Variants in LRRC4C observed in about 807,000 individuals in gnomAD.
The protein encoded by LRRC4C is leucine-rich repeat-containing protein 4C.
LRRC4C carries 5 observed loss-of-function variants against 33.6 expected under a neutral mutation model. The observed-to-expected ratio is 0.15, with a 90% confidence interval of 0.08 to 0.31. The LOEUF (loss-of-function observed/expected upper bound fraction) is 0.31. Among genes scored for constraint, LRRC4C ranks in the 10% least tolerant of loss-of-function variants. LRRC4C has a pLI of 1.00. For missense variants in LRRC4C, 560 were observed against 796.7 expected, an observed-to-expected ratio of 0.70 and a Z score of 3.58; for synonymous variants, 329 against 302.0, an observed-to-expected ratio of 1.09 and a Z score of -0.93.
chr11:40,593,434 C>T (rs1367116809), intron 3 of LRRC4C, among the ~76,000 whole-genome samples: 1 of 152,114 alleles, frequency 6.6e-6, no homozygotes, highest in African/African-American at 2.4e-5. Context: ...ATTATATATG[C>T]ATATACACAG....
chr11:40,179,719 G>A (rs766057185), intron 5 of LRRC4C, among the ~76,000 whole-genome samples: 37 of 152,094 alleles, frequency 2.4e-4, no homozygotes, highest in Admixed American at 9.8e-4. Context: ...CACCAGCAGC[G>A]GAGAAAAGAC....
At chr11:41,444,804 T>C (rs909484082) in intron 1 of LRRC4C, among the ~76,000 whole-genome samples, 1 of 95,366 alleles carries the variant, frequency 1.0e-5, no homozygotes, top group African/African-American at 5.0e-5. Flanking sequence ...AAGTCTAACT[T>C]AATTTTTTTT....
chr11:40,841,500 G>C (rs1437451737), intron 2 of LRRC4C, among the ~76,000 whole-genome samples: 1 of 152,186 alleles, frequency 6.6e-6, no homozygotes, highest in African/African-American at 2.4e-5. Flanking sequence ...TAAGAAAAGA[G>C]AGCAGAGTTC....
intron 1 of LRRC4C, among the ~76,000 whole-genome samples, chr11:41,220,128 T>A (rs1260924173): frequency 1.3e-5 from 2 of 152,000 alleles, no homozygotes; most frequent in Non-Finnish European, 2.9e-5. Context: ...GAAGGTGAGG[T>A]TTTTTATGCA....
At chr11:40,179,177 A>T (rs137991322) in intron 5 of LRRC4C, among the ~76,000 whole-genome samples, 2,839 of 151,598 alleles carry the variant, frequency 0.019, 101 homozygotes, top group Admixed American at 0.099. Flanking sequence ...GATTTTTTTT[A>T]AAACTATTCT....
chr11:40,606,878 T>C (rs1960667228), intron 3 of LRRC4C, among the ~76,000 whole-genome samples: 1 of 151,930 alleles, frequency 6.6e-6, no homozygotes, highest in African/African-American at 2.4e-5. Context: ...CAACTAACAT[T>C]GAACCAAATA....
At chr11:41,272,539 T>C (rs1949354145) in intron 1 of LRRC4C, among the ~76,000 whole-genome samples, 1 of 152,140 alleles carries the variant, frequency 6.6e-6, no homozygotes, top group South Asian at 2.1e-4. Flanking sequence ...AATGAAGTAT[T>C]TCAATTACAA....
At chr11:41,398,721 A>G (rs989716) in intron 1 of LRRC4C, among the ~76,000 whole-genome samples, 126,728 of 151,804 alleles carry the variant, frequency 0.83, 53,000 homozygotes, top group East Asian at 0.87. Flanking sequence ...AATAATATTG[A>G]CAAAGATGAT....
At chr11:41,196,703 G>A (rs985630694) in intron 1 of LRRC4C, among the ~76,000 whole-genome samples, 1 of 151,984 alleles carries the variant, frequency 6.6e-6, no homozygotes, top group Non-Finnish European at 1.5e-5. Context: ...ACAGATAAAC[G>A]GATGCATGAA....
At chr11:41,015,979 G>A (rs1217001796) in intron 1 of LRRC4C, among the ~76,000 whole-genome samples, 1 of 152,068 alleles carries the variant, frequency 6.6e-6, no homozygotes, top group African/African-American at 2.4e-5. Context: ...GAGCTGCAGA[G>A]CGAGACTCCG....
chr11:40,625,083 T>C (rs752902699), intron 3 of LRRC4C, among the ~76,000 whole-genome samples: 1 of 152,148 alleles, frequency 6.6e-6, no homozygotes, highest in East Asian at 1.9e-4. Context: ...ATTGCCTTCT[T>C]CTGCAGATAT....
intron 4 of LRRC4C, among the ~76,000 whole-genome samples, chr11:40,280,959 T>G (rs1482301644): frequency 6.6e-6 from 1 of 151,986 alleles, no homozygotes; most frequent in Non-Finnish European, 1.5e-5. Context: ...AATTTTTTGT[T>G]GTTAATAGGG....
intron 2 of LRRC4C, among the ~76,000 whole-genome samples, chr11:40,746,791 T>C (rs1294448455): frequency 6.6e-6 from 1 of 152,126 alleles, no homozygotes; most frequent in Admixed American, 6.5e-5. Flanking sequence ...TGGGCCTGCC[T>C]ACCTGGCTGC....
At chr11:40,542,426 T>A (rs1437741717) in intron 3 of LRRC4C, among the ~76,000 whole-genome samples, 2 of 152,172 alleles carry the variant, frequency 1.3e-5, no homozygotes, top group Non-Finnish European at 2.9e-5. Flanking sequence ...GCCTTGTGGG[T>A]CTGAGGACAT....
chr11:41,083,108 A>T (rs1363882207), intron 1 of LRRC4C, among the ~76,000 whole-genome samples: 1 of 152,130 alleles, frequency 6.6e-6, no homozygotes, highest in Non-Finnish European at 1.5e-5. Context: ...GAAAGAAAAG[A>T]TATTTTTGAG....
At chr11:40,962,651 G>T (rs1451453543) in intron 1 of LRRC4C, among the ~76,000 whole-genome samples, 1 of 151,602 alleles carries the variant, frequency 6.6e-6, no homozygotes, top group Admixed American at 6.6e-5. Context: ...AAAAGTAAAA[G>T]AAATTTATCC....
chr11:40,742,386 A>G (rs1461123249), intron 2 of LRRC4C, among the ~76,000 whole-genome samples: 3 of 152,098 alleles, frequency 2.0e-5, no homozygotes, highest in South Asian at 2.1e-4. Flanking sequence ...CAACTTCCTA[A>G]TTAAGGCTTG....
chr11:40,481,020 A>G (rs1464267904), intron 3 of LRRC4C, among the ~76,000 whole-genome samples: 1 of 151,986 alleles, frequency 6.6e-6, no homozygotes, highest in East Asian at 1.9e-4. Flanking sequence ...CATTGTGTCT[A>G]TAGTTAATAA....
chr11:41,024,496 C>T (rs558582902), intron 1 of LRRC4C, among the ~76,000 whole-genome samples: 2 of 151,644 alleles, frequency 1.3e-5, no homozygotes, highest in Non-Finnish European at 3.0e-5. Context: ...TTCTCACAGT[C>T]GTCTTCCAAG....
Sources: allele counts gnomAD v4.1 joint callset (sites outside exome capture counted in the v4.1 genomes callset), GRCh38; gene constraint gnomAD v4.1.1; transcripts MANE v1.5; gene names NCBI Gene and HGNC (gene_info 2026-07-23, HGNC 2026-07-21).